The following TENM4 variants were observed in gnomAD, a reference collection of about 807,000 sequenced individuals.
TENM4 encodes the protein teneurin transmembrane protein 4, also known as teneurin-4.
Under a neutral mutation model 243.3 loss-of-function variants are expected in TENM4, and 82 were observed. The ratio of observed to expected loss-of-function variants is 0.34; its 90% confidence interval spans 0.28 to 0.40. TENM4 has a LOEUF of 0.40. Ranked by LOEUF, TENM4 falls within the 10% of genes least tolerant of loss-of-function variation. TENM4 has a pLI of 1.00. For synonymous variants in TENM4, 1,412 were observed against 1,456.3 expected (o/e 0.97, Z 0.69); for missense variants, 3,138 against 3,673.3 (o/e 0.85, Z 3.77).
chr11:79,110,937 A>G (rs1786700261), intron 4 of TENM4, among the ~76,000 whole-genome samples: 2 of 152,142 alleles, frequency 1.3e-5, no homozygotes, highest in Admixed American at 1.3e-4. Context: ...GCTCCACTCA[A>G]CAACAGCCAT....
intron 1 of TENM4, among the ~76,000 whole-genome samples, chr11:79,368,761 T>A (rs1396644463): frequency 6.6e-6 from 1 of 152,206 alleles, no homozygotes; most frequent in Non-Finnish European, 1.5e-5. Context: ...TTTATAATAG[T>A]CTCTGCCATA....
chr11:79,243,993 A>G (rs1306045622), intron 2 of TENM4, among the ~76,000 whole-genome samples: 1 of 152,162 alleles, frequency 6.6e-6, no homozygotes, highest in African/African-American at 2.4e-5. Context: ...ATTTCCAACA[A>G]GCTCCCGTGA....
At chr11:79,295,896 A>AACACACACC (rs1856442818) in intron 2 of TENM4, among the ~76,000 whole-genome samples, 1 of 130,912 alleles carries the variant, frequency 7.6e-6, no homozygotes, top group African/African-American at 3.0e-5. Flanking sequence ...CCAGGGATTA[A>AACACACACC]ACACACACAC....
chr11:78,842,355 C>T (rs2136176012), intron 12 of TENM4, among the ~76,000 whole-genome samples: 1 of 152,340 alleles, frequency 6.6e-6, no homozygotes, highest in Non-Finnish European at 1.5e-5. Context: ...AAAGCGGTGG[C>T]ATTTGCTTTA....
intron 28 of TENM4, among the ~76,000 whole-genome samples, chr11:78,691,974 C>G (rs986830969): frequency 6.6e-6 from 1 of 152,160 alleles, no homozygotes; most frequent in African/African-American, 2.4e-5. Flanking sequence ...TGCCAGTCCT[C>G]TGGGCCCCGC....
chr11:78,889,690 A>G, intron 9 of TENM4, 95 bp downstream of exon 9: 2 of 1,336,266 alleles, frequency 1.5e-6, no homozygotes, highest in African/African-American at 1.5e-5. Context: ...TTTGCCTGCC[A>G]TGCTAGTAAG....
intron 3 of TENM4, among the ~76,000 whole-genome samples, chr11:79,180,882 T>C (rs1184757033): frequency 6.6e-6 from 1 of 151,164 alleles, no homozygotes; most frequent in East Asian, 1.9e-4. Flanking sequence ...TATATATGTA[T>C]ATCTAAACAT....
intron 4 of TENM4, among the ~76,000 whole-genome samples, chr11:79,103,516 G>A (rs559121931): frequency 6.6e-6 from 1 of 152,106 alleles, no homozygotes; most frequent in East Asian, 1.9e-4. Context: ...CACTTCCCAA[G>A]GTCCGTCCTC....
chr11:79,194,278 G>A (rs1269396091), intron 3 of TENM4, among the ~76,000 whole-genome samples: 1 of 151,548 alleles, frequency 6.6e-6, no homozygotes, highest in South Asian at 2.1e-4. Context: ...GCATGAAAAC[G>A]GACTAATATA....
chr11:79,415,332 C>T (rs143296391), intron 1 of TENM4, among the ~76,000 whole-genome samples: 1 of 152,178 alleles, frequency 6.6e-6, no homozygotes, highest in Non-Finnish European at 1.5e-5. Flanking sequence ...TTGGTTTTCA[C>T]CCAGGTTGAC....
At chr11:79,162,258 T>C (rs1329005382) in intron 3 of TENM4, among the ~76,000 whole-genome samples, 2 of 152,214 alleles carry the variant, frequency 1.3e-5, no homozygotes, top group Non-Finnish European at 2.9e-5. Flanking sequence ...TTCCAGTTAC[T>C]AGTTCTGTGA....
At chr11:78,776,241 T>C (rs1186713856) in intron 17 of TENM4, among the ~76,000 whole-genome samples, 1 of 152,188 alleles carries the variant, frequency 6.6e-6, no homozygotes, top group Admixed American at 6.5e-5. Flanking sequence ...TTAAAAACCT[T>C]CAGACGCTTT....
chr11:78,922,082 T>C (rs764698357), intron 6 of TENM4, among the ~76,000 whole-genome samples: 3 of 152,166 alleles, frequency 2.0e-5, no homozygotes, highest in African/African-American at 4.8e-5. Context: ...TCTTGCAAAA[T>C]TGGGAGACAG....
At chr11:79,143,880 T>C (rs1862343181) in intron 4 of TENM4, among the ~76,000 whole-genome samples, 1 of 151,796 alleles carries the variant, frequency 6.6e-6, no homozygotes, top group Non-Finnish European at 1.5e-5. Context: ...TCCAGGACAC[T>C]GGACTAGGCA....
At chr11:79,409,569 C>A (rs543875049) in intron 1 of TENM4, among the ~76,000 whole-genome samples, 4 of 152,114 alleles carry the variant, frequency 2.6e-5, no homozygotes, top group Non-Finnish European at 5.9e-5. Flanking sequence ...ATAGCCCCCC[C>A]GGAACCATTC....
At chr11:79,013,169 A>T (rs630970) in intron 6 of TENM4, among the ~76,000 whole-genome samples, 95,997 of 151,994 alleles carry the variant, frequency 0.63, 31,886 homozygotes, top group African/African-American at 0.85. Flanking sequence ...TTCAGGGGGC[A>T]CGAGAGCTGG....
At chr11:79,000,897 GGCATATGCCT>G (rs775027863) in intron 6 of TENM4, among the ~76,000 whole-genome samples, 1 of 152,132 alleles carries the variant, frequency 6.6e-6, no homozygotes, top group Non-Finnish European at 1.5e-5. Context: ...CAGGCCTGGT[GGCATATGCCT>G]GTAGTCCCAG....
intron 2 of TENM4, among the ~76,000 whole-genome samples, chr11:79,243,369 A>G (rs1855458855): frequency 6.6e-6 from 1 of 152,120 alleles, no homozygotes; most frequent in African/African-American, 2.4e-5. Flanking sequence ...TCCATTTTGA[A>G]TGGCACTGGA....
intron 16 of TENM4, among the ~76,000 whole-genome samples, chr11:78,780,962 C>A (rs546541715): frequency 4.4e-4 from 67 of 152,096 alleles, no homozygotes; most frequent in Admixed American, 1.4e-3. Context: ...CTACAAAGAG[C>A]CCCCGAGCCA....
Sources: allele counts gnomAD v4.1 joint callset (sites outside exome capture counted in the v4.1 genomes callset), GRCh38; gene constraint gnomAD v4.1.1; transcripts MANE v1.5; gene names NCBI Gene and HGNC (gene_info 2026-07-23, HGNC 2026-07-21).